Variants in SASS6 observed in about 807,000 individuals in gnomAD.
The protein encoded by SASS6 is spindle assembly abnormal protein 6 homolog.
A neutral mutation model predicts 94.9 loss-of-function variants in SASS6; 59 were observed. That is an observed-to-expected ratio of 0.62 (90% CI 0.50 to 0.77). SASS6 has a LOEUF of 0.77. Ranked by LOEUF, SASS6 falls within the 30% of genes least tolerant of loss-of-function variation. The pLI, the probability that SASS6 is intolerant of heterozygous loss-of-function variation, is 0.00. For missense variants in SASS6, 698 were observed against 734.1 expected (o/e 0.95, Z 0.57); for synonymous variants, 264 against 270.0 (o/e 0.98, Z 0.22).
At chr1:100,094,592 C>T (rs916407427) in intron 14 of SASS6, among the ~76,000 whole-genome samples, 4 of 152,102 alleles carry the variant, frequency 2.6e-5, no homozygotes, top group Non-Finnish European at 5.9e-5. Flanking sequence ...GGGGCTCACA[C>T]GCCTGTAATC....
chr1:100,107,329 A>C (rs750754183), intron 11 of SASS6, 45 bp downstream of exon 11: 3 of 1,250,468 alleles, frequency 2.4e-6, no homozygotes, highest in Non-Finnish European at 3.4e-6. Context: ...TTTTAAAACG[A>C]GGAAAAAATT....
intron 14 of SASS6, among the ~76,000 whole-genome samples, chr1:100,093,127 AT>A (rs1176646821): frequency 6.6e-6 from 1 of 150,796 alleles, no homozygotes; most frequent in Non-Finnish European, 1.5e-5. Context: ...ACAAAGAGAT[AT>A]ATTTAAAGAA....
intron 13 of SASS6, among the ~76,000 whole-genome samples, chr1:100,104,203 G>A (rs1341883475): frequency 2.0e-5 from 3 of 152,190 alleles, no homozygotes; most frequent in African/African-American, 7.2e-5. Context: ...ATATGAGGAT[G>A]CTTATGGGCC....
intron 1 of SASS6, among the ~76,000 whole-genome samples, chr1:100,129,078 A>G (rs867534102): frequency 7.9e-5 from 12 of 152,134 alleles, no homozygotes; most frequent in Middle Eastern, 3.4e-3. Flanking sequence ...ATCTCTACAA[A>G]AAATTTATAA....
At chr1:100,120,286 G>A (rs1277913518) in intron 6 of SASS6, 108 bp downstream of exon 6, 7 of 626,192 alleles carry the variant, frequency 1.1e-5, no homozygotes, top group East Asian at 2.7e-5. Flanking sequence ...GAAATTCAAC[G>A]GAAGCATGCT....
intron 14 of SASS6, among the ~76,000 whole-genome samples, chr1:100,093,177 T>TCTTTC (rs200786455): frequency 5.2e-5 from 7 of 134,228 alleles, no homozygotes; most frequent in South Asian, 2.6e-4. Flanking sequence ...TTGTTTTCTT[T>TCTTTC]TTTTTTTTTT....
chr1:100,097,416 A>G (rs904337757), intron 14 of SASS6, among the ~76,000 whole-genome samples: 2 of 152,256 alleles, frequency 1.3e-5, no homozygotes, highest in African/African-American at 4.8e-5. Context: ...CAACTGATGA[A>G]TGAACAAATT....
intron 1 of SASS6, 74 bp downstream of exon 1, chr1:100,132,676 G>A: frequency 8.0e-7 from 1 of 1,250,266 alleles, no homozygotes; most frequent in Non-Finnish European, 1.2e-6. Context: ...GATCCCACGG[G>A]CCAGAACCGC....
intron 14 of SASS6, among the ~76,000 whole-genome samples, chr1:100,099,810 A>G (rs1036248411): frequency 6.6e-6 from 1 of 152,092 alleles, no homozygotes; most frequent in African/African-American, 2.4e-5. Flanking sequence ...GCATTTCCAG[A>G]CTTTGTTTTT....
chr1:100,085,715 A>G, intron 15 of SASS6, 85 bp from the exon 16 acceptor site: 1 of 742,472 alleles, frequency 1.3e-6, no homozygotes, highest in South Asian at 1.7e-5. Context: ...TATATATAAG[A>G]TAATGTAACT....
intron 14 of SASS6, among the ~76,000 whole-genome samples, chr1:100,088,835 TA>T (rs72345602): frequency 0.068 from 5,674 of 83,786 alleles, 302 homozygotes; most frequent in African/African-American, 0.19. Context: ...ACCCTGTCTA[TA>T]AAAAAAAAAA....
chr1:100,090,022 T>C (rs565995991), intron 14 of SASS6, among the ~76,000 whole-genome samples: 1 of 152,092 alleles, frequency 6.6e-6, no homozygotes, highest in Middle Eastern at 3.4e-3. Flanking sequence ...GGAAGTAGTA[T>C]AATAATATTT....
At chr1:100,123,066 C>G (rs1654322200) in intron 3 of SASS6, 144 bp downstream of exon 3, 1 of 450,526 alleles carries the variant, frequency 2.2e-6, no homozygotes, top group Admixed American at 4.5e-5. Context: ...CCAAAACACC[C>G]TAAGTAAAGA....
chr1:100,113,043 C>A (rs1180348618), intron 7 of SASS6, among the ~76,000 whole-genome samples: 1 of 152,192 alleles, frequency 6.6e-6, no homozygotes, highest in East Asian at 1.9e-4. Context: ...CCTTCAGTCA[C>A]TCTGGAGTTT....
At chr1:100,116,554 G>A (rs1158727964) in intron 7 of SASS6, among the ~76,000 whole-genome samples, 1 of 152,080 alleles carries the variant, frequency 6.6e-6, no homozygotes, top group African/African-American at 2.4e-5. Context: ...AAAAATGAGT[G>A]CATGTGTCCA....
chr1:100,106,826 C>A, intron 12 of SASS6, 86 bp downstream of exon 12: 1 of 662,622 alleles, frequency 1.5e-6, no homozygotes, highest in Non-Finnish European at 2.7e-6. Context: ...TGCACTCCAG[C>A]CTCGGTGACA....
intron 7 of SASS6, among the ~76,000 whole-genome samples, chr1:100,116,771 AG>A (rs1171724024): frequency 6.6e-6 from 1 of 152,198 alleles, no homozygotes; most frequent in Non-Finnish European, 1.5e-5. Flanking sequence ...ATTTACACAA[AG>A]TTCAAGAATT....
At position 100,119,134 on chromosome 1, in the gene SASS6, A is replaced by G. The variant is rs775498426; in HGVS notation, c.553T>C (p.Leu185=). 6.5e-6 allele frequency: 10 copies of G among 1,547,504 alleles called. No homozygotes were observed. In the Admixed American group the frequency reaches 1.4e-4, roughly 21 times the overall value. Residue 185 remains leucine, a synonymous_variant, in exon 7 of 17, where the codon TTA becomes CTA. Transcript: ENST00000287482. ...TKQLDFTRKT[L]AEKKQELDKL... ...TCTAATTCTTGTTTTTTTTCTGCTA[A>G]TGTCTACATTAGAGTTTAACACAAA...
At chr1:100,085,878 A>G (rs1364406087) in intron 15 of SASS6, among the ~76,000 whole-genome samples, 2 of 152,198 alleles carry the variant, frequency 1.3e-5, no homozygotes, top group African/African-American at 4.8e-5. Flanking sequence ...GGAAAAATGA[A>G]AATTCTACAA....
Sources: gnomAD v4.1 joint callset for allele counts (sites outside exome capture counted in the v4.1 genomes callset) on GRCh38, gnomAD v4.1.1 for gene constraint, MANE v1.5 for transcripts, NCBI Gene and HGNC (gene_info 2026-07-23, HGNC 2026-07-21) for gene names.